Variants in ADGRL2 observed in about 807,000 individuals in gnomAD.
ADGRL2 encodes the protein calcium-independent alpha-latrotoxin receptor 2.
Under a neutral mutation model 157.4 loss-of-function variants are expected in ADGRL2, and 44 were observed. The observed-to-expected ratio is 0.28, with a 90% confidence interval of 0.22 to 0.36. The LOEUF (loss-of-function observed/expected upper bound fraction) is 0.36. Ranked by LOEUF, ADGRL2 falls within the 10% of genes least tolerant of loss-of-function variation. ADGRL2 has a pLI of 1.00. For missense variants in ADGRL2, 1,510 were observed against 1,768.9 expected (o/e 0.85, Z 2.63); for synonymous variants, 585 against 624.7 (o/e 0.94, Z 0.95).
chr1:81,495,431 T>G (rs1189402795), intron 2 of ADGRL2, among the ~76,000 whole-genome samples: 3 of 152,188 alleles, frequency 2.0e-5, no homozygotes, highest in African/African-American at 7.2e-5. Context: ...TTGTCAGTAA[T>G]TAGTAGTACC....
chr1:81,308,941 A>G (rs1659538324), intron 1 of ADGRL2, among the ~76,000 whole-genome samples: 1 of 152,184 alleles, frequency 6.6e-6, no homozygotes. Flanking sequence ...AGCAGAATCT[A>G]TAGAACTGGT....
intron 2 of ADGRL2, among the ~76,000 whole-genome samples, chr1:81,455,058 A>G (rs1364370561): frequency 6.6e-6 from 1 of 152,186 alleles, no homozygotes; most frequent in African/African-American, 2.4e-5. Context: ...TCATTCTCAG[A>G]GCATACAGAC....
intron 1 of ADGRL2, among the ~76,000 whole-genome samples, chr1:81,822,417 A>C (rs909140738): frequency 6.6e-6 from 1 of 151,564 alleles, no homozygotes; most frequent in African/African-American, 2.4e-5. Flanking sequence ...TTTATATTTT[A>C]ATATTAAAAT....
intron 2 of ADGRL2, among the ~76,000 whole-genome samples, chr1:81,778,023 A>G (rs768370782): frequency 3.3e-5 from 5 of 151,710 alleles, no homozygotes; most frequent in Non-Finnish European, 5.9e-5. Flanking sequence ...GAACACACAT[A>G]AAAATACTAT....
chr1:81,922,597 A>T (rs2095010556), intron 3 of ADGRL2, among the ~76,000 whole-genome samples: 1 of 152,174 alleles, frequency 6.6e-6, no homozygotes, highest in Non-Finnish European at 1.5e-5. Flanking sequence ...TATAGATATT[A>T]TTCAGATGTG....
At chr1:81,360,729 G>A (rs1220944832) in intron 1 of ADGRL2, among the ~76,000 whole-genome samples, 1 of 151,788 alleles carries the variant, frequency 6.6e-6, no homozygotes, top group Non-Finnish European at 1.5e-5. Flanking sequence ...AGAAGGGAAG[G>A]AAAGAAGGAA....
At chr1:81,337,937 A>G (rs1661771880) in intron 1 of ADGRL2, among the ~76,000 whole-genome samples, 2 of 152,180 alleles carry the variant, frequency 1.3e-5, no homozygotes, top group Non-Finnish European at 2.9e-5. Context: ...GGTCAGAAAA[A>G]TATTACACTC....
intron 2 of ADGRL2, among the ~76,000 whole-genome samples, chr1:81,471,079 T>C (rs2078162264): frequency 6.6e-6 from 1 of 152,122 alleles, no homozygotes; most frequent in South Asian, 2.1e-4. Flanking sequence ...ATTTTTGAGG[T>C]CTAAATAAGG....
intron 2 of ADGRL2, among the ~76,000 whole-genome samples, chr1:81,550,062 T>C (rs1474093076): frequency 6.6e-6 from 1 of 152,180 alleles, no homozygotes; most frequent in Non-Finnish European, 1.5e-5. Context: ...GAGAAAATGT[T>C]TGAAACTCCT....
At position 81,990,839 on chromosome 1, in the gene ADGRL2, G is replaced by C; in HGVS notation, c.4104G>C (p.Glu1368Asp). The change falls in exon 24 of 24, where the codon GAG becomes GAC. Residue 1368 changes from glutamate (E) to aspartate (D), a missense_variant. By Grantham distance (45) the Glu-to-Asp change is conservative (BLOSUM62 2). Coordinates refer to ENST00000686636, the MANE Select transcript of ADGRL2 (RefSeq NM_001366006.2). ...GCTATGTCTCCCAACTGACAGCAGA[G>C]GCTGAAGATCACCTACAGTCCCCCA... ...TDSYVSQLTA[E>D]AEDHLQSPNR... 6.2e-7 allele frequency: 1 copy of C among 1,614,104 alleles called. No homozygotes were observed. The highest frequency in any genetic ancestry group is 8.5e-7 in the Non-Finnish European group (1 of 1,180,004).
At chr1:81,398,084 G>A (rs1168453494) in intron 1 of ADGRL2, among the ~76,000 whole-genome samples, 4 of 151,998 alleles carry the variant, frequency 2.6e-5, no homozygotes, top group African/African-American at 9.7e-5. Context: ...TCTTTTTACA[G>A]TTTTTTACCT....
chr1:81,745,113 G>C (rs1211639912), intron 1 of ADGRL2, among the ~76,000 whole-genome samples: 3 of 152,182 alleles, frequency 2.0e-5, no homozygotes, highest in Non-Finnish European at 4.4e-5. Flanking sequence ...AGAGACTTCT[G>C]TCTTGATAAC....
At chr1:81,689,944 C>T (rs2148985927) in intron 3 of ADGRL2, among the ~76,000 whole-genome samples, 1 of 152,272 alleles carries the variant, frequency 6.6e-6, no homozygotes, top group East Asian at 1.9e-4. Context: ...CTCTCTCTCC[C>T]AATCTGGAAC....
chr1:81,900,604 A>G (rs1182993377), intron 2 of ADGRL2, among the ~76,000 whole-genome samples: 1 of 152,214 alleles, frequency 6.6e-6, no homozygotes, highest in Non-Finnish European at 1.5e-5. Context: ...GGATGACTGG[A>G]AACCATTCTG....
intron 2 of ADGRL2, among the ~76,000 whole-genome samples, chr1:81,864,452 C>T (rs1211460315): frequency 1.3e-5 from 2 of 151,932 alleles, no homozygotes; most frequent in African/African-American, 2.4e-5. Context: ...CTGACATGTC[C>T]AGAATATTGC....
At chr1:81,804,075 C>G (rs551064596) in intron 1 of ADGRL2, among the ~76,000 whole-genome samples, 11 of 152,300 alleles carry the variant, frequency 7.2e-5, no homozygotes, top group Non-Finnish European at 1.3e-4. Context: ...TGGTACTCAT[C>G]TGTGGCAACA....
intron 1 of ADGRL2, among the ~76,000 whole-genome samples, chr1:81,398,000 C>T (rs562871665): frequency 1.5e-4 from 23 of 152,194 alleles, no homozygotes; most frequent in Admixed American, 5.9e-4. Flanking sequence ...TGCTTGGCTT[C>T]GGGGTGCATA....
chr1:81,782,807 C>T (rs1259633826), intron 2 of ADGRL2, among the ~76,000 whole-genome samples: 1 of 152,140 alleles, frequency 6.6e-6, no homozygotes, highest in Non-Finnish European at 1.5e-5. Context: ...GAGAGTTTTA[C>T]TGGTTGGGAA....
chr1:81,888,936 T>C (rs2094195959), intron 2 of ADGRL2, among the ~76,000 whole-genome samples: 1 of 152,192 alleles, frequency 6.6e-6, no homozygotes, highest in South Asian at 2.1e-4. Flanking sequence ...TTGATATTAT[T>C]ATAACTATTT....
Sources: allele counts gnomAD v4.1 joint callset (sites outside exome capture counted in the v4.1 genomes callset), GRCh38; gene constraint gnomAD v4.1.1; transcripts MANE v1.5; gene names NCBI Gene and HGNC (gene_info 2026-07-23, HGNC 2026-07-21).